The following NRG3 variants were observed in gnomAD, a reference collection of about 807,000 sequenced individuals.
The protein encoded by NRG3 is neuregulin 3.
NRG3 carries 31 observed loss-of-function variants against 66.9 expected under a neutral mutation model. The observed-to-expected ratio is 0.46, with a 90% CI of 0.35 to 0.63. The LOEUF (loss-of-function observed/expected upper bound fraction) is 0.63, where lower values mean the gene tolerates loss of function less well. Among genes scored for constraint, NRG3 ranks in the 20% least tolerant of loss-of-function variants. NRG3 has a pLI of 0.00. For missense variants in NRG3, 910 were observed against 878.9 expected (o/e 1.04, Z -0.45); for synonymous variants, 393 against 359.4 (o/e 1.09, Z -1.06).
chr10:82,838,400 A>G (rs1591677628), intron 3 of NRG3, among the ~76,000 whole-genome samples: 1 of 152,176 alleles, frequency 6.6e-6, no homozygotes, highest in Non-Finnish European at 1.5e-5. Context: ...TGAAAATAAC[A>G]TTTTTAAACC....
chr10:82,438,763 G>C (rs926443388), intron 2 of NRG3, among the ~76,000 whole-genome samples: 4 of 152,092 alleles, frequency 2.6e-5, no homozygotes, highest in African/African-American at 9.7e-5. Context: ...ACCTCCCTTG[G>C]CTGGGGGGAG....
intron 2 of NRG3, among the ~76,000 whole-genome samples, chr10:82,630,131 A>G (rs925895705): frequency 6.6e-6 from 1 of 152,136 alleles, no homozygotes; most frequent in African/African-American, 2.4e-5. Context: ...CCTAATACAA[A>G]CAATGGGTTT....
At chr10:82,345,345 G>C (rs924700512) in intron 1 of NRG3, among the ~76,000 whole-genome samples, 13 of 149,524 alleles carry the variant, frequency 8.7e-5, no homozygotes, top group Middle Eastern at 6.8e-3. Flanking sequence ...GCTTGTTTTT[G>C]TCAGGTTTGT....
intron 2 of NRG3, among the ~76,000 whole-genome samples, chr10:82,609,912 C>T (rs542897117): frequency 1.3e-5 from 2 of 152,248 alleles, no homozygotes; most frequent in East Asian, 1.9e-4. Flanking sequence ...GTCTCATAGA[C>T]CTTTAGGTCA....
chr10:82,983,543 A>C (rs187709652), intron 8 of NRG3, among the ~76,000 whole-genome samples: 1 of 152,334 alleles, frequency 6.6e-6, no homozygotes, highest in Admixed American at 6.5e-5. Context: ...GAATAAGACA[A>C]CTTGGGTTTA....
At chr10:82,746,864 A>G (rs1000165307) in intron 3 of NRG3, among the ~76,000 whole-genome samples, 1 of 152,114 alleles carries the variant, frequency 6.6e-6, no homozygotes, top group African/African-American at 2.4e-5. Context: ...GTACTCCTTG[A>G]GCCCAGGAGT....
intron 3 of NRG3, among the ~76,000 whole-genome samples, chr10:82,824,280 T>C (rs2062083902): frequency 6.6e-6 from 1 of 152,266 alleles, no homozygotes; most frequent in Non-Finnish European, 1.5e-5. Flanking sequence ...TATCAACTGA[T>C]GGGCATCTTT....
chr10:82,963,312 A>G (rs545310105), intron 6 of NRG3, among the ~76,000 whole-genome samples: 5 of 152,354 alleles, frequency 3.3e-5, no homozygotes, highest in East Asian at 3.9e-4. Flanking sequence ...TACCCTAAAT[A>G]CATGCTCCCA....
At chr10:82,623,362 T>TTAAGAA (rs899456957) in intron 2 of NRG3, among the ~76,000 whole-genome samples, 1 of 152,232 alleles carries the variant, frequency 6.6e-6, no homozygotes, top group Non-Finnish European at 1.5e-5. Context: ...TTTAAGGGTC[T>TTAAGAA]GTCTGAACTA....
chr10:82,437,120 C>T (rs2090181896), intron 2 of NRG3, among the ~76,000 whole-genome samples: 1 of 152,010 alleles, frequency 6.6e-6, no homozygotes, highest in African/African-American at 2.4e-5. Context: ...GAATAATATC[C>T]CAAAGTGTGT....
chr10:82,002,738 T>C (rs1476358054), intron 1 of NRG3, among the ~76,000 whole-genome samples: 1 of 152,226 alleles, frequency 6.6e-6, no homozygotes, highest in Non-Finnish European at 1.5e-5. Context: ...TTCCTGCTTC[T>C]TATTGCCCCT....
chr10:82,205,507 A>G (rs2075071979), intron 1 of NRG3, among the ~76,000 whole-genome samples: 1 of 152,204 alleles, frequency 6.6e-6, no homozygotes, highest in Non-Finnish European at 1.5e-5. Context: ...AGTAAGAGGT[A>G]TATGAATCAG....
At chr10:82,459,897 T>C (rs1003367769) in intron 2 of NRG3, among the ~76,000 whole-genome samples, 6 of 152,228 alleles carry the variant, frequency 3.9e-5, no homozygotes, top group African/African-American at 1.4e-4. Context: ...TGCTCATTGC[T>C]CTGGTTGTCA....
intron 2 of NRG3, among the ~76,000 whole-genome samples, chr10:82,661,361 T>A (rs2133964839): frequency 6.6e-6 from 1 of 152,146 alleles, no homozygotes; most frequent in East Asian, 1.9e-4. Context: ...TATAAATATA[T>A]AAACAGCATA....
chr10:82,077,870 A>G (rs989779333), intron 1 of NRG3, among the ~76,000 whole-genome samples: 6 of 152,210 alleles, frequency 3.9e-5, no homozygotes, highest in Non-Finnish European at 7.3e-5. Context: ...AAGTTCTAAT[A>G]TGTTTGGTAT....
At chr10:82,982,254 C>T (rs549355390) in intron 8 of NRG3, among the ~76,000 whole-genome samples, 17 of 152,312 alleles carry the variant, frequency 1.1e-4, no homozygotes, top group African/African-American at 3.6e-4. Context: ...AACACAAATT[C>T]CTTAGCCTGA....
At chr10:81,888,299 A>G (rs986021360) in intron 1 of NRG3, among the ~76,000 whole-genome samples, 2 of 152,182 alleles carry the variant, frequency 1.3e-5, no homozygotes, top group South Asian at 2.1e-4. Context: ...CACTCATATC[A>G]GGAGTGTTCC....
intron 2 of NRG3, among the ~76,000 whole-genome samples, chr10:82,652,302 C>T (rs1565168548): frequency 6.6e-6 from 1 of 152,118 alleles, no homozygotes; most frequent in Non-Finnish European, 1.5e-5. Flanking sequence ...ACTCTTGGCT[C>T]CTGAGCCCTT....
chr10:81,885,652 A>C (rs1032867203), intron 1 of NRG3, among the ~76,000 whole-genome samples: 1 of 152,204 alleles, frequency 6.6e-6, no homozygotes, highest in African/African-American at 2.4e-5. Context: ...ATAAAATGGA[A>C]ATAGATCAAG....
Sources: gnomAD v4.1 joint callset for allele counts (sites outside exome capture counted in the v4.1 genomes callset) on GRCh38, gnomAD v4.1.1 for gene constraint, MANE v1.5 for transcripts, NCBI Gene and HGNC (gene_info 2026-07-23, HGNC 2026-07-21) for gene names.